SCYL3: variants seen among roughly 807,000 people sequenced by gnomAD.
SCYL3 encodes the protein SCY1 like pseudokinase 3.
SCYL3 carries 35 observed loss-of-function variants against 73.8 expected under a neutral mutation model. That is an observed-to-expected ratio of 0.47 (90% CI 0.36 to 0.63). The LOEUF is 0.63. Among genes scored for constraint, SCYL3 ranks in the 20% least tolerant of loss-of-function variants. The pLI, the probability that SCYL3 is intolerant of heterozygous loss-of-function variation, is 0.00. For synonymous variants in SCYL3, 277 were observed against 295.2 expected (o/e 0.94, Z 0.63); for missense variants, 712 against 798.9 (o/e 0.89, Z 1.31).
At position 169,862,677 on chromosome 1, in the gene SCYL3, G is replaced by A; in HGVS notation, c.1076C>T (p.Ser359Phe). 1 of 1,614,192 alleles carries A rather than the reference G, an allele frequency of 6.2e-7. No individual in the cohort carries two copies. The highest frequency in any genetic ancestry group is 8.5e-7 in the Non-Finnish European group (1 of 1,180,038). ...HEEHVRMVLL[S>F]HIEAYVEHFT... Reference sequence around the variant, plus strand: ...GTGCTCCACGTAGGCCTCGATGTGAGACAGCAGCACCATCCGCACATGCTC... The same window carrying A: ...GTGCTCCACGTAGGCCTCGATGTGAAACAGCAGCACCATCCGCACATGCTC... The change falls in exon 10 of 13, where the codon TCT (serine) becomes TTT (phenylalanine). Residue 359 changes from serine (S) to phenylalanine (F), a missense_variant. Ser to Phe is a radical substitution (Grantham distance 155). Around this residue, in one of 2 missense-constraint regions of SCYL3, gnomAD observed 342 missense variants for 448.1 expected, o/e 0.76. Transcript: ENST00000367771.
At chr1:169,860,765 C>G in intron 10 of SCYL3, among the ~76,000 whole-genome samples, 1 of 152,198 alleles carries the variant, frequency 6.6e-6, no homozygotes, top group East Asian at 1.9e-4. Flanking sequence ...CTGAGTACTA[C>G]CCCTTCTGTG....
intron 11 of SCYL3, among the ~76,000 whole-genome samples, chr1:169,857,918 A>C (rs1659316528): frequency 6.6e-6 from 1 of 152,204 alleles, no homozygotes; most frequent in Admixed American, 6.5e-5. Flanking sequence ...TTGAGTGTCC[A>C]AACATAGAAA....
chr1:169,878,756 C>T lies in SCYL3; in HGVS notation c.229G>A (p.Gly77Ser). ...ACTCGCTCAGTGACAAGATGAATGC[C>T]ATCCGCTTCCACAGTACAAGATAAA... Reference protein sequence around the residue: ...RFLSCTVEADGIHLVTERVQP... With the variant: ...RFLSCTVEADSIHLVTERVQP... Residue 77 changes from glycine (G) to serine (S), a missense_variant, in exon 3 of 13, where the codon GGC becomes AGC. By Grantham distance (56) the Gly-to-Ser change is moderately conservative. This residue lies in a region of SCYL3 where 342 missense variants were observed against 448.1 expected (regional missense o/e 0.76). Coordinates refer to ENST00000367771, the MANE Select transcript of SCYL3 (RefSeq NM_020423.7). The T allele has an allele frequency of 6.2e-7, 1 of 1,614,146 alleles. No homozygotes were observed. The highest frequency in any genetic ancestry group is 1.7e-5 in the Admixed American group (1 of 60,026).
intron 11 of SCYL3, among the ~76,000 whole-genome samples, chr1:169,857,118 T>C (rs1053900301): frequency 1.2e-4 from 18 of 152,128 alleles, no homozygotes; most frequent in Admixed American, 6.5e-5. Context: ...ATACCAGAAA[T>C]AAGGACTTCC....
At chr1:169,854,057 G>C in intron 12 of SCYL3, 2 of 574,100 alleles carry the variant, frequency 3.5e-6, no homozygotes, top group Non-Finnish European at 6.0e-6. Context: ...CAAATAAAAA[G>C]GTTACAATAG....
At position 169,878,717 on chromosome 1, in the gene SCYL3, C is replaced by T; in HGVS notation, c.268G>A (p.Val90Met). 1 of 1,614,176 alleles carries T rather than the reference C, an allele frequency of 6.2e-7. No individual in the cohort carries two copies. Among genetic ancestry groups the T allele is most frequent in the African/African-American group, 1.3e-5 (1 of 75,054 alleles). The change falls in exon 3 of 13, where the codon GTG becomes ATG. Residue 90 changes from valine to methionine, a missense_variant. Transcript: ENST00000367771. ...GCAGAAGACAATGTTTCCAAAGCCA[C>T]TTCCAGGGGCTGTACTCGCTCAGTG... ...LVTERVQPLEVALETLSSAEV... is the reference protein window; with the variant it reads ...LVTERVQPLEMALETLSSAEV...
Position 169,850,994 on chromosome 1 carries a change from TTTTTTTTTTTTTATTTG to T in SCYL3, c.*2702_*2718del, listed in dbSNP as rs1205670406. 3.7e-5 allele frequency: 2 copies of T among 54,350 alleles called. No individual in the cohort carries two copies. Among genetic ancestry groups the T allele is most frequent in the South Asian group, 7.8e-4 (1 of 1,288 alleles). The allele number at this position is 54,350 out of a possible 1,614,324, so 3.4% of individuals were successfully genotyped here. A position where few individuals can be genotyped will look rare whatever the true frequency, so the allele number is the denominator to read the frequency against. On this transcript the variant is annotated 3_prime_UTR_variant, in exon 13 of 13. Transcript: ENST00000367771. Reference sequence around the variant, plus strand: ...TTTAGGCATGGCTTTTTTTTTTTTTTTTTTTTTTTTTTATTTGGGCAGCCTCCCAAGCCAGGGTAAGC... The same window carrying T: ...TTTAGGCATGGCTTTTTTTTTTTTTTGGCAGCCTCCCAAGCCAGGGTAAGC...
upstream of SCYL3, chr1:169,894,171 G>GACTTGAATTTTTAGGCTTTTAA (rs1367008243): frequency 6.6e-6 from 1 of 152,254 alleles, no homozygotes; most frequent in East Asian, 1.9e-4. Context: ...AGTTTGTCTT[G>GACTTGAATTTTTAGGCTTTTAA]ACTTGAATTT....
At position 169,852,709 on chromosome 1, in the gene SCYL3, T is replaced by C. The variant is rs187008028; in HGVS notation, c.*1004A>G. ...TCCAATGACTAGAATAAAATTTGCA[T>C]GTAAGCTTTACTCCAGTCCAAAAGG... is the stretch of plus-strand genomic sequence containing the variant. On this transcript the variant is annotated 3_prime_UTR_variant, in exon 13 of 13. Coordinates refer to ENST00000367771, the MANE Select transcript of SCYL3 (RefSeq NM_020423.7). 29 of 1,425,496 alleles carry C rather than the reference T, an allele frequency of 2.0e-5. 1 individual carries two copies. The East Asian group carries it at 5.7e-4, about 28-fold the overall frequency. The allele number at this position is 1,425,496 out of a possible 1,614,324, so 88.3% of individuals were successfully genotyped here. A position where few individuals can be genotyped will look rare whatever the true frequency, so the allele number is the denominator to read the frequency against.
chr1:169,864,676 G>A (rs958926081), intron 8 of SCYL3, among the ~76,000 whole-genome samples, 168 bp from the exon 9 acceptor site: 1 of 152,060 alleles, frequency 6.6e-6, no homozygotes, highest in African/African-American at 2.4e-5. Flanking sequence ...AGAAAAATGC[G>A]TGGCTGGGTG....
At chr1:169,857,110 A>T (rs1406582538) in intron 11 of SCYL3, among the ~76,000 whole-genome samples, 3 of 152,222 alleles carry the variant, frequency 2.0e-5, no homozygotes, top group Non-Finnish European at 4.4e-5. Context: ...CTGGGAACAT[A>T]CCAGAAATAA....
chr1:169,860,400 C>G (rs763516145), intron 10 of SCYL3, among the ~76,000 whole-genome samples: 6 of 152,248 alleles, frequency 3.9e-5, no homozygotes, highest in Non-Finnish European at 7.3e-5. Context: ...CAGCCAGACA[C>G]AAGGCCAGGG....
Position 169,854,892 on chromosome 1 carries a change from C to T in SCYL3, c.1385G>A (p.Ser462Asn). 2 of 1,613,904 alleles carry T rather than the reference C, an allele frequency of 1.2e-6. No individual in the cohort carries two copies. The highest frequency in any genetic ancestry group is 1.7e-6 in the Non-Finnish European group (2 of 1,179,830). The change falls in exon 12 of 13, where the codon AGT (serine) becomes AAT (asparagine). Residue 462 changes from serine to asparagine, a missense_variant. Physicochemically the swap from Ser to Asn is conservative, Grantham distance 46. Transcript: ENST00000367771. ...LSDVKNTSED[S>N]ENFPSSSKKS... ...TTTAGAACTTGATGGGAAGTTTTCA[C>T]TGTCCTCCGAAGTATTTTTTACATC... is the stretch of plus-strand genomic sequence containing the variant.
intron 1 of SCYL3, among the ~76,000 whole-genome samples, chr1:169,892,385 A>G (rs1273808580): frequency 6.6e-6 from 1 of 152,156 alleles, no homozygotes; most frequent in Non-Finnish European, 1.5e-5. Context: ...CAGCCTCCCT[A>G]GTTGCTGAGA....
intron 2 of SCYL3, among the ~76,000 whole-genome samples, chr1:169,885,172 G>T (rs1260332467): frequency 6.6e-6 from 1 of 152,196 alleles, no homozygotes; most frequent in Non-Finnish European, 1.5e-5. Flanking sequence ...AGGGTTCTGA[G>T]TAAGGACCTT....
In SCYL3 at chr1:169,854,893, T is replaced by C. The variant is rs201272094; in HGVS notation, c.1384A>G (p.Ser462Gly). ...TTAGAACTTGATGGGAAGTTTTCAC[T>C]GTCCTCCGAAGTATTTTTTACATCT... ...LSDVKNTSED[S>G]ENFPSSSKKS... Residue 462 changes from serine (S) to glycine (G), a missense_variant, in exon 12 of 13, where the codon AGT becomes GGT. Ser to Gly is a moderately conservative substitution (Grantham distance 56). Around this residue, in one of 2 missense-constraint regions of SCYL3, gnomAD observed 370 missense variants for 350.8 expected, o/e 1.05. Coordinates refer to ENST00000367771, the MANE Select transcript of SCYL3 (RefSeq NM_020423.7). 6 of 1,613,906 alleles carry C rather than the reference T, an allele frequency of 3.7e-6. No homozygotes were observed. Among genetic ancestry groups the C allele is most frequent in the African/African-American group, 1.3e-5 (1 of 75,024 alleles).
rs1173760692 is a variant in SCYL3, at chr1:169,852,004, A to C, written c.*1709T>G. 2 of 1,607,522 alleles carry C rather than the reference A, an allele frequency of 1.2e-6. No homozygotes were observed. Among genetic ancestry groups the C allele is most frequent in the South Asian group, 2.2e-5 (2 of 90,526 alleles). On this transcript the variant is annotated 3_prime_UTR_variant, in exon 13 of 13. Coordinates refer to ENST00000367771, the MANE Select transcript of SCYL3 (RefSeq NM_020423.7). ...ATTCTGCCCTTTTTACTTACTGACG[A>C]AACAAACCAGTGTGGTTTCCAGCCT...
rs375339321 is a variant in SCYL3 at position 169,860,882 on chromosome 1, ACTG to A, written c.1141-1673_1141-1671del. Among the ~76,000 whole-genome samples the A allele has an allele frequency of 4.3e-3, 651 of 152,296 alleles. 2 individuals carry two copies. The highest frequency in any genetic ancestry group is 7.2e-3 in the Non-Finnish European group (489 of 68,018). Reference sequence around the variant, plus strand: ...TCTCCCTTTCTGTGGTCTCTTCCACACTGCTACCAAAGTGAACTTTCTAGCACA... The same window carrying A: ...TCTCCCTTTCTGTGGTCTCTTCCACACTACCAAAGTGAACTTTCTAGCACA... On this transcript the variant is annotated intron_variant, in intron 10 of 12. Coordinates refer to ENST00000367771, the MANE Select transcript of SCYL3 (RefSeq NM_020423.7).
In SCYL3 at chr1:169,851,910, G is replaced by A; in HGVS notation, c.*1803C>T. ...GGAACCCTTTGCTAATGTGACTGTA[G>A]AAGAAGCAAAGAGGTCATCTTTACA... On this transcript the variant is annotated 3_prime_UTR_variant, in exon 13 of 13. Transcript: ENST00000367771. 1.9e-6 allele frequency: 3 copies of A among 1,614,032 alleles called. No individual in the cohort carries two copies. The highest frequency in any genetic ancestry group is 2.5e-6 in the Non-Finnish European group (3 of 1,179,938).
Sources: allele counts gnomAD v4.1 joint callset (sites outside exome capture counted in the v4.1 genomes callset), GRCh38; gene constraint gnomAD v4.1.1; regional missense constraint gnomAD v4.1.1; transcripts MANE v1.5; gene names NCBI Gene and HGNC (gene_info 2026-07-23, HGNC 2026-07-21).